LTBP1: variants seen among roughly 807,000 people sequenced by gnomAD.
LTBP1 encodes the protein latent transforming growth factor beta binding protein 1.
Under a neutral mutation model 207.6 loss-of-function variants are expected in LTBP1, and 129 were observed. The observed-to-expected ratio is 0.62, with a 90% confidence interval of 0.54 to 0.72. The LOEUF (loss-of-function observed/expected upper bound fraction) is 0.72, where lower values mean the gene tolerates loss of function less well. Ranked by LOEUF, LTBP1 falls within the 30% of genes least tolerant of loss-of-function variation. LTBP1 has a pLI of 0.00. For missense variants in LTBP1, 2,281 were observed against 2,217.2 expected, an observed-to-expected ratio of 1.03 and a Z score of -0.58; for synonymous variants, 963 against 833.7, an observed-to-expected ratio of 1.16 and a Z score of -2.67.
intron 15 of LTBP1, among the ~76,000 whole-genome samples, chr2:33,269,484 C>T (rs2093267164): frequency 6.6e-6 from 1 of 152,172 alleles, no homozygotes; most frequent in Non-Finnish European, 1.5e-5. Flanking sequence ...CAGTGGGGAG[C>T]ACTCACTTAA....
At chr2:32,986,522 A>G (rs1683602406) in intron 2 of LTBP1, among the ~76,000 whole-genome samples, 1 of 152,222 alleles carries the variant, frequency 6.6e-6, no homozygotes, top group Admixed American at 6.5e-5. Context: ...TGAACCGGCT[A>G]CATCATTTGC....
chr2:33,365,192 G>C, intron 30 of LTBP1, 141 bp from the exon 31 acceptor site: 1 of 689,588 alleles, frequency 1.5e-6, no homozygotes, highest in Non-Finnish European at 2.5e-6. Flanking sequence ...TCCATTGAAA[G>C]ACCAGACTGG....
At chr2:33,396,506 G>A (rs904452730) in intron 32 of LTBP1, among the ~76,000 whole-genome samples, 3 of 152,202 alleles carry the variant, frequency 2.0e-5, no homozygotes, top group Admixed American at 6.5e-5. Context: ...ATAGGCATGA[G>A]CCCAGACTTT....
intron 7 of LTBP1, among the ~76,000 whole-genome samples, chr2:33,211,066 T>C (rs2090272232): frequency 1.3e-5 from 2 of 152,234 alleles, no homozygotes; most frequent in African/African-American, 4.8e-5. Context: ...TATATAATAG[T>C]CCTTCATAGC....
chr2:33,331,771 C>T (rs977226261), intron 24 of LTBP1, among the ~76,000 whole-genome samples: 1 of 151,992 alleles, frequency 6.6e-6, no homozygotes, highest in Admixed American at 6.5e-5. Context: ...ATATAAATGA[C>T]TGAGGAGTAT....
chr2:33,188,902 C>A (rs1181600618), intron 7 of LTBP1, 51 bp downstream of exon 7: 1 of 1,544,698 alleles, frequency 6.5e-7, no homozygotes, highest in Admixed American at 2.0e-5. Flanking sequence ...GATATGGTAT[C>A]ATTTTAACAA....
chr2:33,018,947 T>A (rs536165448), intron 2 of LTBP1, among the ~76,000 whole-genome samples: 75 of 152,266 alleles, frequency 4.9e-4, no homozygotes, highest in South Asian at 2.7e-3. Flanking sequence ...AAGGGCCATT[T>A]TAGAAAAATC....
In LTBP1 at chr2:32,994,758, C is replaced by T. The variant is rs188415655; in HGVS notation, c.566-26151C>T. Reference sequence around the variant, plus strand: ...CTGGGATTACAGGCGTGAGCCACCGCGCCTGGCCACATTAGTGATTCTTAA... The same window carrying T: ...CTGGGATTACAGGCGTGAGCCACCGTGCCTGGCCACATTAGTGATTCTTAA... On this transcript the variant is annotated intron_variant, in intron 2 of 33. Transcript: ENST00000404816. Among the ~76,000 whole-genome samples the T allele has an allele frequency of 1.6e-3, 239 of 152,306 alleles. 3 individuals are homozygous for T. The South Asian group carries it at 0.028, about 18-fold the overall frequency.
chr2:33,131,996 C>T (rs997334542), intron 4 of LTBP1, among the ~76,000 whole-genome samples: 1 of 152,164 alleles, frequency 6.6e-6, no homozygotes, highest in Non-Finnish European at 1.5e-5. Context: ...CCTAAGTGAG[C>T]ATAATTTAGG....
chr2:33,231,087 A>G (rs1279712049), intron 9 of LTBP1, among the ~76,000 whole-genome samples: 1 of 152,220 alleles, frequency 6.6e-6, no homozygotes, highest in Non-Finnish European at 1.5e-5. Flanking sequence ...GTGATGAATG[A>G]TGGGTAAGAC....
At chr2:33,088,771 A>G (rs1376807565) in intron 3 of LTBP1, among the ~76,000 whole-genome samples, 1 of 152,232 alleles carries the variant, frequency 6.6e-6, no homozygotes, top group Non-Finnish European at 1.5e-5. Flanking sequence ...AAATTCAAAA[A>G]TTGGGGACTT....
chr2:33,360,968 T>A (rs760939813), intron 27 of LTBP1, among the ~76,000 whole-genome samples, 189 bp downstream of exon 27: 2 of 152,244 alleles, frequency 1.3e-5, no homozygotes, highest in Non-Finnish European at 2.9e-5. Context: ...TTCATCATCG[T>A]GTACTTTGAC....
chr2:32,992,575 T>C (rs1684583749), intron 2 of LTBP1, among the ~76,000 whole-genome samples: 1 of 152,216 alleles, frequency 6.6e-6, no homozygotes, highest in African/African-American at 2.4e-5. Context: ...GTTTTGGTAC[T>C]AGGATTCCAT....
chr2:33,241,637 G>A (rs904740100), intron 9 of LTBP1, among the ~76,000 whole-genome samples: 1 of 152,184 alleles, frequency 6.6e-6, no homozygotes, highest in Non-Finnish European at 1.5e-5. Context: ...AGGAATACAG[G>A]CCATTCAGGG....
At chr2:33,345,363 C>A (rs907401739) in intron 25 of LTBP1, among the ~76,000 whole-genome samples, 6 of 152,194 alleles carry the variant, frequency 3.9e-5, no homozygotes, top group Non-Finnish European at 7.3e-5. Flanking sequence ...ATCATTGTTA[C>A]CCCACATATA....
At chr2:33,072,941 C>T (rs1287500650) in intron 3 of LTBP1, among the ~76,000 whole-genome samples, 5 of 152,156 alleles carry the variant, frequency 3.3e-5, no homozygotes, top group Middle Eastern at 3.2e-3. Context: ...TCATGTGTCC[C>T]GAGAGTAGAA....
chr2:33,209,678 C>A (rs146981073), intron 7 of LTBP1, among the ~76,000 whole-genome samples: 1 of 152,142 alleles, frequency 6.6e-6, no homozygotes, highest in Non-Finnish European at 1.5e-5. Context: ...ATCTAACTTA[C>A]GTGTTTATTT....
chr2:32,993,406 C>A (rs1311236215), intron 2 of LTBP1, among the ~76,000 whole-genome samples: 1 of 152,164 alleles, frequency 6.6e-6, no homozygotes, highest in African/African-American at 2.4e-5. Flanking sequence ...TTTATACACA[C>A]ACATATGCAC....
At chr2:33,380,358 C>G (rs1043526918) in intron 31 of LTBP1, among the ~76,000 whole-genome samples, 2 of 151,122 alleles carry the variant, frequency 1.3e-5, no homozygotes, top group African/African-American at 4.9e-5. Flanking sequence ...GGGTGGATCA[C>G]CTGAGGTCAG....
Sources: allele counts gnomAD v4.1 joint callset (sites outside exome capture counted in the v4.1 genomes callset), GRCh38; gene constraint gnomAD v4.1.1; transcripts MANE v1.5; gene names NCBI Gene and HGNC (gene_info 2026-07-23, HGNC 2026-07-21).